Variants in DGKH observed in about 807,000 individuals in gnomAD.
The protein encoded by DGKH is diacylglycerol kinase eta.
A neutral mutation model predicts 159.3 loss-of-function variants in DGKH; 90 were observed. The observed-to-expected ratio is 0.57, with a 90% CI of 0.48 to 0.67. The LOEUF (loss-of-function observed/expected upper bound fraction) is 0.67, where lower values mean the gene tolerates loss of function less well. Among genes scored for constraint, DGKH ranks in the 30% least tolerant of loss-of-function variants. DGKH has a pLI of 0.00. For synonymous variants in DGKH, 536 were observed against 553.8 expected, an observed-to-expected ratio of 0.97 and a Z score of 0.45; for missense variants, 1,181 against 1,506.1, an observed-to-expected ratio of 0.78 and a Z score of 3.57.
At chr13:42,162,540 A>G (rs1285821785) in intron 7 of DGKH, among the ~76,000 whole-genome samples, 4 of 151,956 alleles carry the variant, frequency 2.6e-5, no homozygotes, top group African/African-American at 7.3e-5. Context: ...AAAAACATGA[A>G]CACCTGTAAT....
chr13:42,158,387 T>C (rs149769622), intron 5 of DGKH, among the ~76,000 whole-genome samples: 1 of 152,356 alleles, frequency 6.6e-6, no homozygotes, highest in East Asian at 1.9e-4. Context: ...GGAGCTGACC[T>C]AATATCAGTA....
intron 14 of DGKH, among the ~76,000 whole-genome samples, chr13:42,187,501 C>A (rs1269519192): frequency 6.6e-6 from 1 of 152,140 alleles, no homozygotes; most frequent in Non-Finnish European, 1.5e-5. Flanking sequence ...CTCAGCCCCC[C>A]AAGTAGCTGG....
At chr13:42,192,918 C>T (rs1412317696) in intron 16 of DGKH, among the ~76,000 whole-genome samples, 1 of 152,178 alleles carries the variant, frequency 6.6e-6, no homozygotes, top group Non-Finnish European at 1.5e-5. Flanking sequence ...GGTACCCATA[C>T]ACTACTCATT....
upstream of DGKH, among the ~76,000 whole-genome samples, chr13:42,045,387 G>A (rs1880742727): frequency 1.3e-5 from 2 of 152,146 alleles, no homozygotes; most frequent in Admixed American, 6.5e-5. Context: ...TATCCAGGTC[G>A]AAAGGAAAAT....
At chr13:42,056,928 A>G (rs1407590478) in intron 1 of DGKH, among the ~76,000 whole-genome samples, 2 of 151,894 alleles carry the variant, frequency 1.3e-5, no homozygotes, top group African/African-American at 4.8e-5. Flanking sequence ...TCTCTCATCA[A>G]TGTTTTAGGT....
In DGKH at chr13:42,206,972, A is replaced by ACTTTTT. The variant is rs1491581418; in HGVS notation, c.2601+831_2601+836dup. Among the ~76,000 whole-genome samples, 87 of 57,760 alleles carry ACTTTTT rather than the reference A, an allele frequency of 1.5e-3. 1 individual carries two copies. Among genetic ancestry groups the ACTTTTT allele is most frequent in the South Asian group, 3.0e-3 (4 of 1,354 alleles). The allele number at this position is 57,760 out of a possible 152,430, so 37.9% of individuals were successfully genotyped here. On this transcript the variant is annotated intron_variant, in intron 21 of 29. Coordinates refer to ENST00000337343, the MANE Select transcript of DGKH (RefSeq NM_178009.5). ...TACCACAATACCTTTTGGTACTTTTACTTTTTCTTTCTTTCTTTCTTTCTT... is the reference window on the plus strand; with the variant it reads ...TACCACAATACCTTTTGGTACTTTTACTTTTTCTTTTTCTTTCTTTCTTTCTTTCTT...
At chr13:42,209,993 AT>A (rs34470988) in intron 23 of DGKH, among the ~76,000 whole-genome samples, 32,741 of 132,386 alleles carry the variant, frequency 0.25, 4,458 homozygotes, top group Non-Finnish European at 0.32. Flanking sequence ...GCAATCATTG[AT>A]TTTTTTTTTT....
At chr13:42,202,109 A>G (rs758466048) in intron 20 of DGKH, among the ~76,000 whole-genome samples, 2 of 152,218 alleles carry the variant, frequency 1.3e-5, no homozygotes, top group Non-Finnish European at 2.9e-5. Flanking sequence ...ATATAGATGT[A>G]TATGTTAAAT....
intron 8 of DGKH, 132 bp from the exon 9 acceptor site, chr13:42,166,381 ATC>A: frequency 1.5e-6 from 1 of 649,852 alleles, no homozygotes; most frequent in South Asian, 4.6e-5. Context: ...TAGTTAACCT[ATC>A]TCTATTTGGA....
intron 12 of DGKH, 34 bp from the exon 13 acceptor site, chr13:42,178,101 A>G: frequency 2.0e-6 from 3 of 1,510,788 alleles, no homozygotes; most frequent in South Asian, 2.5e-5. Flanking sequence ...AATGCCAGCA[A>G]CAATAATACA....
At chr13:42,091,972 G>C (rs1239650212) in intron 1 of DGKH, among the ~76,000 whole-genome samples, 1 of 152,058 alleles carries the variant, frequency 6.6e-6, no homozygotes, top group Non-Finnish European at 1.5e-5. Context: ...TTAGTTTTTT[G>C]AGGAACCTCC....
chr13:42,046,911 C>A (rs1880824716), upstream of DGKH, among the ~76,000 whole-genome samples: 1 of 152,180 alleles, frequency 6.6e-6, no homozygotes, highest in Middle Eastern at 3.2e-3. Context: ...TTTCAAAAGA[C>A]CCTTTACTAG....
intron 1 of DGKH, among the ~76,000 whole-genome samples, chr13:42,042,600 A>G (rs1050059554): frequency 2.6e-5 from 4 of 152,140 alleles, no homozygotes; most frequent in Admixed American, 6.5e-5. Flanking sequence ...CTCTGCACCT[A>G]TTTTCATTCC....
intron 16 of DGKH, among the ~76,000 whole-genome samples, chr13:42,193,383 G>T (rs1957129996): frequency 6.6e-6 from 1 of 152,184 alleles, no homozygotes; most frequent in African/African-American, 2.4e-5. Context: ...ATTTAGAAAA[G>T]TCTTTAATGG....
intron 11 of DGKH, 38 bp downstream of exon 11, chr13:42,168,856 G>T (rs2138018103): frequency 6.4e-7 from 1 of 1,571,654 alleles, no homozygotes; most frequent in South Asian, 1.2e-5. Flanking sequence ...GATGGAAAAT[G>T]GCATACTGAA....
At position 42,155,777 on chromosome 13, in the gene DGKH, C is replaced by T. The variant is rs1354151100; in HGVS notation, c.600C>T (p.Thr200=). 6.2e-7 allele frequency: 1 copy of T among 1,614,098 alleles called. No individual in the cohort carries two copies. Among genetic ancestry groups the T allele is most frequent in the South Asian group, 1.1e-5 (1 of 91,070 alleles). ...GCAGAGAGAGTCTTTCTGGAGTCAC[C>T]TCCCATGGCCTGTCCTGCGAAGGTA... ...NVCRESLSGV[T]SHGLSCEVCK... is the part of the protein sequence containing the mutation. The change falls in exon 5 of 30, where the codon ACC becomes ACT. Residue 200 remains threonine, a synonymous_variant. Coordinates refer to ENST00000337343, the MANE Select transcript of DGKH (RefSeq NM_178009.5).
At chr13:42,117,019 A>G (rs1478725923) in intron 1 of DGKH, among the ~76,000 whole-genome samples, 3 of 152,188 alleles carry the variant, frequency 2.0e-5, no homozygotes, top group Admixed American at 6.5e-5. Flanking sequence ...CTGATTTTCC[A>G]TGAGGGTCAG....
chr13:42,222,052 G>C (rs1031538695), intron 29 of DGKH, among the ~76,000 whole-genome samples: 2 of 152,138 alleles, frequency 1.3e-5, no homozygotes, highest in East Asian at 3.9e-4. Context: ...TTTGTGAATT[G>C]ACGATAGAGA....
chr13:42,164,120 TAG>T, intron 7 of DGKH, among the ~76,000 whole-genome samples: 1 of 152,244 alleles, frequency 6.6e-6, no homozygotes, highest in East Asian at 1.9e-4. Flanking sequence ...ATAATCTATG[TAG>T]TGAAAAAAGA....
Sources: allele counts gnomAD v4.1 joint callset (sites outside exome capture counted in the v4.1 genomes callset), GRCh38; gene constraint gnomAD v4.1.1; transcripts MANE v1.5; gene names NCBI Gene and HGNC (gene_info 2026-07-23, HGNC 2026-07-21).